TRPM3: variants seen among roughly 807,000 people sequenced by gnomAD.
TRPM3 encodes transient receptor potential cation channel subfamily M member 3.
In TRPM3, 77 loss-of-function variants were observed where a neutral mutation model predicts 181.2. That is an observed-to-expected ratio of 0.42 (90% CI 0.35 to 0.51). TRPM3 has a LOEUF of 0.51. Ranked by LOEUF, TRPM3 falls within the 20% of genes least tolerant of loss-of-function variation. The pLI, the probability that TRPM3 is intolerant of heterozygous loss-of-function variation, is 0.01. For missense variants in TRPM3, 1,759 were observed against 2,196.7 expected, an observed-to-expected ratio of 0.80 and a Z score of 3.98; for synonymous variants, 745 against 796.4, an observed-to-expected ratio of 0.94 and a Z score of 1.09.
In TRPM3 at chr9:71,417,642, A is replaced by C. The variant is rs115534735; in HGVS notation, c.183+29011T>G. ...TCATCCAGAAAGAATTAATGGAAAC[A>C]TATCTGAGAAAGGTATGAAATAAGT... On this transcript the variant is annotated intron_variant, in intron 1 of 24. Coordinates refer to the TRPM3 transcript ENST00000357533. Among the ~76,000 whole-genome samples, 895 of 152,184 alleles carry C rather than the reference A, an allele frequency of 5.9e-3. 7 individuals are homozygous for C. The highest frequency in any genetic ancestry group is 0.021 in the African/African-American group (857 of 41,546).
At chr9:71,434,534 T>C (rs983675561) in intron 1 of TRPM3, among the ~76,000 whole-genome samples, 2 of 152,204 alleles carry the variant, frequency 1.3e-5, no homozygotes, top group African/African-American at 4.8e-5. Context: ...CTAAAACACA[T>C]CCTCTGTGAC....
At chr9:70,661,846 C>A (rs1467860173) in intron 9 of TRPM3, among the ~76,000 whole-genome samples, 1 of 152,132 alleles carries the variant, frequency 6.6e-6, no homozygotes, top group African/African-American at 2.4e-5. Flanking sequence ...AATGACTGTA[C>A]TGCTCAAAGC....
intron 1 of TRPM3, among the ~76,000 whole-genome samples, chr9:71,042,529 G>T (rs114775958): frequency 2.4e-4 from 36 of 152,084 alleles, no homozygotes; most frequent in African/African-American, 8.7e-4. Context: ...GCAGGAACAC[G>T]CTAAGCTCCC....
intron 5 of TRPM3, among the ~76,000 whole-genome samples, chr9:70,833,609 C>A (rs947984644): frequency 2.0e-5 from 3 of 152,138 alleles, no homozygotes; most frequent in Non-Finnish European, 4.4e-5. Context: ...ACTAATCCTA[C>A]TCTTTTCTCT....
At chr9:71,221,244 C>G (rs1247984571) in intron 1 of TRPM3, among the ~76,000 whole-genome samples, 2 of 152,202 alleles carry the variant, frequency 1.3e-5, no homozygotes, top group African/African-American at 4.8e-5. Context: ...GTATTACCTA[C>G]AAACCCCATG....
At chr9:70,848,635 C>T (rs1203621331) in intron 3 of TRPM3, among the ~76,000 whole-genome samples, 1 of 152,160 alleles carries the variant, frequency 6.6e-6, no homozygotes. Flanking sequence ...AAGACCTACT[C>T]CTCAACAGCA....
chr9:71,412,772 C>T (rs1174953146), intron 1 of TRPM3, among the ~76,000 whole-genome samples: 1 of 152,164 alleles, frequency 6.6e-6, no homozygotes, highest in Non-Finnish European at 1.5e-5. Context: ...GATTATAAAG[C>T]ATGCTACTAT....
At chr9:71,028,775 C>A (rs552471656) in intron 1 of TRPM3, among the ~76,000 whole-genome samples, 1 of 152,078 alleles carries the variant, frequency 6.6e-6, no homozygotes, top group Non-Finnish European at 1.5e-5. Context: ...AATATATATG[C>A]ACCCACCACA....
chr9:71,282,127 C>CGAAA (rs1161159614), intron 1 of TRPM3, among the ~76,000 whole-genome samples: 4 of 57,688 alleles, frequency 6.9e-5, no homozygotes, highest in South Asian at 6.6e-4. Flanking sequence ...AAAGAAAGAA[C>CGAAA]GAAAGAAAGA....
Position 70,827,913 on chromosome 9 carries a change from A to C in TRPM3, c.907T>G (p.Tyr303Asp). The C allele has an allele frequency of 6.2e-7, 1 of 1,614,052 alleles. No homozygotes were observed. Among genetic ancestry groups the C allele is most frequent in the Non-Finnish European group, 8.5e-7 (1 of 1,179,980 alleles). ...CTTCGAAGTTTCACCTCTGCTCCAT[A>C]TTTTCCAGTGGTCCCGTTGTCAGCC... Reference protein sequence around the residue: ...ILADNGTTGKYGAEVKLRRQL... With the variant: ...ILADNGTTGKDGAEVKLRRQL... Residue 303 changes from tyrosine to aspartate, a missense_variant, in exon 6 of 26, where the codon TAT becomes GAT. Physicochemically the swap from Tyr to Asp is radical, Grantham distance 160. Around this residue, in one of 8 missense-constraint regions of TRPM3, gnomAD observed 737 missense variants for 957.4 expected, o/e 0.77. Transcript: ENST00000677713.
chr9:71,189,339 T>C (rs560475619), intron 1 of TRPM3, among the ~76,000 whole-genome samples: 31 of 151,994 alleles, frequency 2.0e-4, no homozygotes, highest in Non-Finnish European at 4.0e-4. Context: ...GGGCTTGTCC[T>C]TGAACAGCAT....
At chr9:71,386,438 ACT>A (rs1413573763) in intron 1 of TRPM3, among the ~76,000 whole-genome samples, 1 of 150,740 alleles carries the variant, frequency 6.6e-6, no homozygotes, top group Non-Finnish European at 1.5e-5. Context: ...ACAGAGCAAG[ACT>A]CTGTCTTTTG....
At chr9:71,237,955 C>A (rs942702641) in intron 1 of TRPM3, among the ~76,000 whole-genome samples, 3 of 152,022 alleles carry the variant, frequency 2.0e-5, no homozygotes, top group African/African-American at 7.2e-5. Context: ...TCATAAAGGC[C>A]CTACATCTTA....
At chr9:70,786,311 C>CAAAAAAAAAAAAAAAAAAAAAAAAAA (rs71367227) in intron 6 of TRPM3, among the ~76,000 whole-genome samples, 23 of 54,460 alleles carry the variant, frequency 4.2e-4, no homozygotes, top group African/African-American at 7.0e-4. Flanking sequence ...CTAAAAATAC[C>CAAAAAAAAAAAAAAAAAAAAAAAAAA]AAAAAAAAAA....
intron 1 of TRPM3, among the ~76,000 whole-genome samples, chr9:71,204,640 T>G (rs533382055): frequency 6.6e-6 from 1 of 152,314 alleles, no homozygotes; most frequent in South Asian, 2.1e-4. Context: ...TCAACCCTTG[T>G]GGAAGTCAGT....
At chr9:70,656,316 G>T (rs971186122) in intron 9 of TRPM3, among the ~76,000 whole-genome samples, 2 of 152,330 alleles carry the variant, frequency 1.3e-5, no homozygotes, top group Non-Finnish European at 2.9e-5. Flanking sequence ...ACTCATATTG[G>T]TTTAATGGAA....
intron 1 of TRPM3, among the ~76,000 whole-genome samples, chr9:71,198,308 T>C (rs2078531273): frequency 6.6e-6 from 1 of 151,954 alleles, no homozygotes; most frequent in South Asian, 2.1e-4. Context: ...GGTAGTGTGA[T>C]GCCTCCAGCT....
At chr9:71,154,407 T>G (rs2075881782) in intron 1 of TRPM3, among the ~76,000 whole-genome samples, 1 of 152,088 alleles carries the variant, frequency 6.6e-6, no homozygotes, top group South Asian at 2.1e-4. Flanking sequence ...TCCTCAGATA[T>G]AAAATGAGAT....
chr9:70,740,927 C>T (rs117490941), intron 8 of TRPM3, among the ~76,000 whole-genome samples: 2 of 152,116 alleles, frequency 1.3e-5, no homozygotes, highest in African/African-American at 4.8e-5. Flanking sequence ...GACAAGAACA[C>T]GAAAGCAAAT....
Sources: allele counts gnomAD v4.1 joint callset (sites outside exome capture counted in the v4.1 genomes callset), GRCh38; gene constraint gnomAD v4.1.1; regional missense constraint gnomAD v4.1.1; transcripts MANE v1.5; gene names NCBI Gene and HGNC (gene_info 2026-07-23, HGNC 2026-07-21).